Variants in COL4A1 observed in about 807,000 individuals in gnomAD.
COL4A1 encodes collagen type IV alpha 1 chain, also known as collagen alpha-1(IV) chain.
COL4A1 carries 40 observed loss-of-function variants against 216.6 expected under a neutral mutation model. The observed-to-expected ratio is 0.18, with a 90% CI of 0.14 to 0.24. The LOEUF (loss-of-function observed/expected upper bound fraction) is 0.24, where lower values mean the gene tolerates loss of function less well. Ranked by LOEUF, COL4A1 falls within the 10% of genes least tolerant of loss-of-function variation. COL4A1 has a pLI of 1.00. For missense variants in COL4A1, 1,628 were observed against 2,196.8 expected (o/e 0.74, Z 5.18); for synonymous variants, 839 against 810.7 (o/e 1.03, Z -0.59).
chr13:110,229,555 C>T (rs1383108187), intron 2 of COL4A1, among the ~76,000 whole-genome samples: 1 of 152,190 alleles, frequency 6.6e-6, no homozygotes, highest in Non-Finnish European at 1.5e-5. Context: ...ATGCCCCGCC[C>T]CAAATTCCTG....
chr13:110,184,905 G>A (rs1033209504), intron 26 of COL4A1, among the ~76,000 whole-genome samples: 7 of 152,000 alleles, frequency 4.6e-5, no homozygotes, highest in African/African-American at 1.7e-4. Context: ...CCTGACCTCA[G>A]GTGATCTGCC....
chr13:110,166,768 C>T (rs571139452), intron 44 of COL4A1, among the ~76,000 whole-genome samples: 79 of 152,322 alleles, frequency 5.2e-4, no homozygotes, highest in African/African-American at 1.7e-3. Context: ...GACCACAAGA[C>T]ACCTTGAGGC....
At chr13:110,285,519 T>C (rs1019699357) in intron 1 of COL4A1, among the ~76,000 whole-genome samples, 1 of 152,198 alleles carries the variant, frequency 6.6e-6, no homozygotes, top group Non-Finnish European at 1.5e-5. Flanking sequence ...TCACCTTGCC[T>C]GGGCCATGGG....
intron 1 of COL4A1, among the ~76,000 whole-genome samples, chr13:110,271,299 G>A (rs1883236134): frequency 6.6e-6 from 1 of 152,156 alleles, no homozygotes; most frequent in East Asian, 1.9e-4. Flanking sequence ...AAGAGGAGAA[G>A]CAAGATATTC....
chr13:110,218,489 A>C (rs1880203781), intron 2 of COL4A1, among the ~76,000 whole-genome samples: 1 of 152,090 alleles, frequency 6.6e-6, no homozygotes, highest in African/African-American at 2.4e-5. Context: ...TTCCTTCTCC[A>C]CCTCAACCCT....
At chr13:110,156,391 T>G (rs17588591) in intron 49 of COL4A1, among the ~76,000 whole-genome samples, 42,263 of 152,188 alleles carry the variant, frequency 0.28, 6,462 homozygotes, top group Non-Finnish European at 0.35. Flanking sequence ...AGACAAATAA[T>G]GCATGCTTTA....
chr13:110,253,650 T>TAC (rs1352439373), intron 1 of COL4A1, among the ~76,000 whole-genome samples: 1 of 145,948 alleles, frequency 6.9e-6, no homozygotes, highest in Non-Finnish European at 1.5e-5. Context: ...ATGTATTACA[T>TAC]ATACGTATAA....
At chr13:110,151,618 A>AG (rs1172713413) in intron 51 of COL4A1, among the ~76,000 whole-genome samples, 2 of 152,216 alleles carry the variant, frequency 1.3e-5, no homozygotes, top group African/African-American at 4.8e-5. Context: ...GCTCATCTCC[A>AG]GGGGTGAGAA....
At chr13:110,246,877 C>G (rs965665327) in intron 1 of COL4A1, among the ~76,000 whole-genome samples, 8 of 152,136 alleles carry the variant, frequency 5.3e-5, no homozygotes, top group African/African-American at 1.9e-4. Flanking sequence ...GAGGCACACA[C>G]TTAACCCGAG....
rs1566367292 is a variant in COL4A1, at chr13:110,198,601, G to A, written c.1151C>T (p.Pro384Leu). ...GLPVPGQAGA[P>L]GFPGERGEKG... ...TTCTCCTCTTTCACCAGGGAAGCCA[G>A]GGGCACCAGCCTGCCCAGGTACAGG... The change falls in exon 21 of 52, where the codon CCT becomes CTT. Residue 384 changes from proline to leucine, a missense_variant. By Grantham distance (98) the Pro-to-Leu change is moderately conservative. Transcript: ENST00000375820. 6.2e-7 allele frequency: 1 copy of A among 1,614,078 alleles called. No homozygotes were observed. The highest frequency in any genetic ancestry group is 8.5e-7 in the Non-Finnish European group (1 of 1,180,036).
intron 1 of COL4A1, among the ~76,000 whole-genome samples, chr13:110,245,641 T>A (rs370640624): frequency 6.6e-6 from 1 of 152,238 alleles, no homozygotes; most frequent in South Asian, 2.1e-4. Flanking sequence ...GCTTTATCTT[T>A]CTGCAATTTG....
intron 26 of COL4A1, among the ~76,000 whole-genome samples, chr13:110,184,259 A>C (rs1254485296): frequency 1.3e-5 from 2 of 152,158 alleles, no homozygotes; most frequent in Non-Finnish European, 2.9e-5. Flanking sequence ...CTGCTAGGGT[A>C]TATTTGTGAG....
chr13:110,172,839 G>A, intron 40 of COL4A1, 69 bp from the exon 41 acceptor site: 1 of 1,280,696 alleles, frequency 7.8e-7, no homozygotes, highest in East Asian at 2.3e-5. Context: ...ACAACACAAA[G>A]CACTATCAAC....
At chr13:110,188,604 G>C (rs1015032795) in intron 24 of COL4A1, among the ~76,000 whole-genome samples, 3 of 152,222 alleles carry the variant, frequency 2.0e-5, no homozygotes, top group African/African-American at 7.2e-5. Context: ...CCACATTTAT[G>C]CATTTCCAGC....
At chr13:110,236,334 C>G (rs1881315777) in intron 2 of COL4A1, among the ~76,000 whole-genome samples, 1 of 152,212 alleles carries the variant, frequency 6.6e-6, no homozygotes, top group Admixed American at 6.5e-5. Context: ...GTATTCCTTA[C>G]AGATAATATT....
At chr13:110,156,878 C>CTGTG (rs879689726) in intron 49 of COL4A1, among the ~76,000 whole-genome samples, 3 of 151,630 alleles carry the variant, frequency 2.0e-5, no homozygotes, top group Non-Finnish European at 4.4e-5. Flanking sequence ...GTGTGTCTGT[C>CTGTG]TGTGTGTGTG....
chr13:110,226,803 C>G (rs2139225559), intron 2 of COL4A1, among the ~76,000 whole-genome samples: 1 of 152,302 alleles, frequency 6.6e-6, no homozygotes, highest in East Asian at 1.9e-4. Context: ...AAGCCAACAT[C>G]TTGAAGTTTT....
At chr13:110,157,847 G>T (rs1876860128) in intron 49 of COL4A1, among the ~76,000 whole-genome samples, 1 of 152,138 alleles carries the variant, frequency 6.6e-6, no homozygotes, top group Non-Finnish European at 1.5e-5. Context: ...TGAGAGGAAT[G>T]CATCACACAG....
chr13:110,173,987 T>G lies in COL4A1; in HGVS notation c.3418A>C (p.Thr1140Pro). ...GVKGEAGLPG[T>P]PGPTGPAGQK... The stretch of plus-strand genomic sequence containing the variant: ...CCAGCTGGGCCTGTGGGGCCAGGAG[T>G]CCCAGGAAGACCTCAAAGAGAAAAG... The change falls in exon 40 of 52, where the codon ACT (threonine) becomes CCT (proline). Residue 1140 changes from threonine (T) to proline (P), a missense_variant. Thr to Pro is a conservative substitution (Grantham distance 38). This residue lies in a region of COL4A1 where 345 missense variants were observed against 476.9 expected (regional missense o/e 0.72). Coordinates refer to ENST00000375820, the MANE Select transcript of COL4A1 (RefSeq NM_001845.6). The G allele has an allele frequency of 6.2e-7, 1 of 1,613,626 alleles. No individual in the cohort carries two copies. The highest frequency in any genetic ancestry group is 8.5e-7 in the Non-Finnish European group (1 of 1,179,924).
Sources: allele counts gnomAD v4.1 joint callset (sites outside exome capture counted in the v4.1 genomes callset), GRCh38; gene constraint gnomAD v4.1.1; regional missense constraint gnomAD v4.1.1; transcripts MANE v1.5; gene names NCBI Gene and HGNC (gene_info 2026-07-23, HGNC 2026-07-21).